The following LRRK2 variants were observed in gnomAD, a reference collection of about 807,000 sequenced individuals.
LRRK2 encodes leucine rich repeat kinase 2.
A neutral mutation model predicts 302.6 loss-of-function variants in LRRK2; 203 were observed. The ratio of observed to expected loss-of-function variants is 0.67; its 90% confidence interval spans 0.60 to 0.75. The LOEUF is 0.75. Among genes scored for constraint, LRRK2 ranks in the 30% least tolerant of loss-of-function variants. The pLI is 0.00. For missense variants in LRRK2, 2,830 were observed against 2,951.0 expected (o/e 0.96, Z 0.95); for synonymous variants, 1,066 against 1,031.9 (o/e 1.03, Z -0.63).
At chr12:40,330,422 C>A (rs1255935265) in intron 39 of LRRK2, among the ~76,000 whole-genome samples, 1 of 151,902 alleles carries the variant, frequency 6.6e-6, no homozygotes, top group African/African-American at 2.4e-5. Flanking sequence ...TCTAGGATAC[C>A]TTTAATTTCA....
At chr12:40,319,873 A>T in intron 33 of LRRK2, 115 bp from the exon 34 acceptor site, 1 of 1,037,830 alleles carries the variant, frequency 9.6e-7, no homozygotes, top group Non-Finnish European at 1.4e-6. Context: ...GTTGCACTTG[A>T]AAACACTAAA....
Position 40,251,245 on chromosome 12 carries a change from C to T in LRRK2, c.972C>T (p.Phe324=), listed in dbSNP as rs558415356. Residue 324 remains phenylalanine (F), a synonymous_variant, in exon 9 of 51, where the codon TTC becomes TTT. Coordinates refer to ENST00000298910, the MANE Select transcript of LRRK2 (RefSeq NM_198578.4). ...ATTTTTTTCAAGCTGAGACTATTTT[C>T]TTAAATCAAGATTTAGAGGAAAAGA... ...SCLALLTETI[F]LNQDLEEKNE... 2 of 1,588,942 alleles carry T rather than the reference C, an allele frequency of 1.3e-6. No homozygotes were observed. The highest frequency in any genetic ancestry group is 4.5e-5 in the East Asian group (2 of 44,190).
intron 7 of LRRK2, among the ~76,000 whole-genome samples, chr12:40,244,011 A>C (rs1941862204): frequency 6.6e-6 from 1 of 152,038 alleles, no homozygotes; most frequent in Non-Finnish European, 1.5e-5. Flanking sequence ...TAATTATGTA[A>C]GAATTGATAC....
intron 18 of LRRK2, among the ~76,000 whole-genome samples, chr12:40,283,246 T>A (rs1357647029): frequency 6.6e-6 from 1 of 152,138 alleles, no homozygotes; most frequent in Non-Finnish European, 1.5e-5. Flanking sequence ...TTGTTCTAGT[T>A]TTTGTGGCAC....
chr12:40,236,046 C>T (rs377641919), intron 4 of LRRK2, among the ~76,000 whole-genome samples: 53 of 152,020 alleles, frequency 3.5e-4, no homozygotes, highest in Non-Finnish European at 6.3e-4. Flanking sequence ...GTTGGTAGTC[C>T]GATGTTTGCT....
intron 3 of LRRK2, among the ~76,000 whole-genome samples, chr12:40,232,939 T>G (rs1941270263): frequency 6.6e-6 from 1 of 152,228 alleles, no homozygotes; most frequent in Non-Finnish European, 1.5e-5. Context: ...CAGCTATGTT[T>G]TTGCAGTTTG....
chr12:40,343,957 T>C (rs1177604844), intron 41 of LRRK2, among the ~76,000 whole-genome samples: 1 of 152,214 alleles, frequency 6.6e-6, no homozygotes, highest in African/African-American at 2.4e-5. Flanking sequence ...TATTATGTTT[T>C]CATGCTAGAG....
intron 2 of LRRK2, among the ~76,000 whole-genome samples, chr12:40,230,317 G>GT (rs537985295): frequency 4.9e-4 from 74 of 152,180 alleles, no homozygotes; most frequent in African/African-American, 1.5e-3. Context: ...GTTTACTCCC[G>GT]TAAGCGAGTA....
Position 40,238,119 on chromosome 12 carries a change from A to T in LRRK2, c.571+16A>T. 1.9e-6 allele frequency: 3 copies of T among 1,612,126 alleles called. No homozygotes were observed. Among genetic ancestry groups the T allele is most frequent in the Non-Finnish European group, 2.5e-6 (3 of 1,178,984 alleles). On this transcript the variant is annotated intron_variant, in intron 5 of 50. Transcript: ENST00000298910. ...TTTGAGAGAGGTATTTTAAAATGTC[A>T]AATTCCTTAAAGTATATATAAGAAA...
rs1565739545 is a variant in LRRK2, at chr12:40,310,437, GCTT to G, written c.4332_4334del (p.Ser1445del). ...TTTGTGTCTTTCCCTCCAGGCTCGC[GCTT>G]CTTCTTCCCCTGTGATTCTCGTTGG... is the stretch of plus-strand genomic sequence containing the variant. On this transcript the variant is annotated inframe_deletion, in exon 31 of 51. Coordinates refer to ENST00000298910, the MANE Select transcript of LRRK2 (RefSeq NM_198578.4). 3 of 1,612,942 alleles carry G rather than the reference GCTT, an allele frequency of 1.9e-6. No homozygotes were observed. The highest frequency in any genetic ancestry group is 1.3e-5 in the African/African-American group (1 of 74,696).
intron 33 of LRRK2, 112 bp downstream of exon 33, chr12:40,315,412 G>A: frequency 2.3e-6 from 2 of 856,908 alleles, no homozygotes; most frequent in Non-Finnish European, 4.0e-6. Flanking sequence ...AGAAACTTTT[G>A]TGAATTTGGA....
intron 14 of LRRK2, among the ~76,000 whole-genome samples, chr12:40,265,705 G>A (rs1045556437): frequency 1.3e-5 from 2 of 152,120 alleles, no homozygotes; most frequent in Non-Finnish European, 2.9e-5. Context: ...CTGAGGACAA[G>A]GAAAATCAAA....
At chr12:40,297,878 A>G (rs1944441621) in intron 23 of LRRK2, among the ~76,000 whole-genome samples, 1 of 152,126 alleles carries the variant, frequency 6.6e-6, no homozygotes, top group African/African-American at 2.4e-5. Flanking sequence ...CATTTAAAAC[A>G]TATTCCCAGG....
intron 47 of LRRK2, among the ~76,000 whole-genome samples, chr12:40,361,073 A>T (rs759940112): frequency 2.0e-5 from 3 of 152,020 alleles, no homozygotes; most frequent in Non-Finnish European, 4.4e-5. Context: ...ATAATATGAT[A>T]CCTGGGCCCT....
At chr12:40,225,801 C>T (rs1199137225) in intron 2 of LRRK2, among the ~76,000 whole-genome samples, 161 bp downstream of exon 2, 3 of 152,068 alleles carry the variant, frequency 2.0e-5, no homozygotes, top group Non-Finnish European at 2.9e-5. Flanking sequence ...TAAATCATTA[C>T]GCAATGTAAA....
chr12:40,343,848 A>T (rs2136965471), intron 41 of LRRK2, among the ~76,000 whole-genome samples: 1 of 152,318 alleles, frequency 6.6e-6, no homozygotes, highest in Non-Finnish European at 1.5e-5. Flanking sequence ...AGAAATTGTT[A>T]GTGCAATCAA....
At chr12:40,295,759 A>G (rs1944363321) in intron 23 of LRRK2, 115 bp downstream of exon 23, 2 of 990,178 alleles carry the variant, frequency 2.0e-6, no homozygotes, top group Admixed American at 2.2e-5. Flanking sequence ...TCACTGGGTG[A>G]TAAGTCCCCC....
At chr12:40,346,355 A>G (rs1204733057) in intron 41 of LRRK2, among the ~76,000 whole-genome samples, 1 of 152,194 alleles carries the variant, frequency 6.6e-6, no homozygotes, top group East Asian at 1.9e-4. Context: ...TCCTGTTTTT[A>G]AAACACTGTC....
At chr12:40,356,582 T>C (rs921723446) in intron 46 of LRRK2, among the ~76,000 whole-genome samples, 1 of 152,218 alleles carries the variant, frequency 6.6e-6, no homozygotes. Flanking sequence ...TTTTCTTTTC[T>C]TCAGATTCCT....
Sources: allele counts gnomAD v4.1 joint callset (sites outside exome capture counted in the v4.1 genomes callset), GRCh38; gene constraint gnomAD v4.1.1; transcripts MANE v1.5; gene names NCBI Gene and HGNC (gene_info 2026-07-23, HGNC 2026-07-21).